Variants in NHERF1 observed in about 807,000 individuals in gnomAD.
NHERF1 encodes the protein Na(+)/H(+) exchange regulatory cofactor NHE-RF1.
At chr17:74,763,545 G>T in the NHERF1 span, 2 of 1,565,050 alleles carry the variant, frequency 1.3e-6, no homozygotes, top group South Asian at 2.3e-5. Flanking sequence ...GCCACTGGCC[G>T]TCCTGGGGCT....
the NHERF1 span, chr17:74,749,012 G>T: frequency 6.2e-7 from 1 of 1,609,116 alleles, no homozygotes; most frequent in South Asian, 1.1e-5. This position sits in a 1 kb window ranked among gnomAD's most constrained non-coding sequence, Gnocchi z 5.6. Flanking sequence ...GCTGCTGGCG[G>T]GGGACCGGCT....
At chr17:74,753,242 G>A in the NHERF1 span, among the ~76,000 whole-genome samples, 812 of 152,322 alleles carry the variant, frequency 5.3e-3, 11 homozygotes, top group African/African-American at 0.018. Context: ...TGGCATGACA[G>A]GTTTGTAAAT....
At chr17:74,765,502 C>T in the NHERF1 span, among the ~76,000 whole-genome samples, 1 of 151,432 alleles carries the variant, frequency 6.6e-6, no homozygotes, top group Non-Finnish European at 1.5e-5. Flanking sequence ...TTGTGATCCG[C>T]CCACCTCGGC....
the NHERF1 span, among the ~76,000 whole-genome samples, chr17:74,754,057 G>A: frequency 3.9e-5 from 6 of 151,954 alleles, no homozygotes; most frequent in Non-Finnish European, 7.4e-5. Flanking sequence ...CCAGCTACTC[G>A]GGAGTCTGAG....
chr17:74,766,201 T>G, the NHERF1 span, among the ~76,000 whole-genome samples: 10 of 151,948 alleles, frequency 6.6e-5, no homozygotes, highest in Non-Finnish European at 1.5e-4. Context: ...TGTTTTGTTT[T>G]GTTTTGTTTT....
the NHERF1 span, among the ~76,000 whole-genome samples, chr17:74,766,589 TCA>T: frequency 6.6e-6 from 1 of 152,016 alleles, no homozygotes; most frequent in Non-Finnish European, 1.5e-5. Context: ...GAAACTTTTA[TCA>T]CACAAAATCT....
At chr17:74,760,979 C>A in the NHERF1 span, among the ~76,000 whole-genome samples, 1 of 152,312 alleles carries the variant, frequency 6.6e-6, no homozygotes, top group East Asian at 1.9e-4. This position sits in a 1 kb window ranked among gnomAD's most constrained non-coding sequence, Gnocchi z 4.5. Flanking sequence ...CTGCACCAGG[C>A]CTGGAGGAGG....
At chr17:74,755,768 G>A in the NHERF1 span, among the ~76,000 whole-genome samples, 1 of 152,090 alleles carries the variant, frequency 6.6e-6, no homozygotes, top group Non-Finnish European at 1.5e-5. Context: ...CGAGGCTCCC[G>A]GGCACTCGAG....
chr17:74,768,185 G>A, the NHERF1 span: 1 of 1,613,636 alleles, frequency 6.2e-7, no homozygotes. Context: ...CAGCCTTGGA[G>A]AGCCCCAGGC....
At chr17:74,763,481 A>C in the NHERF1 span, 1 of 1,610,058 alleles carries the variant, frequency 6.2e-7, no homozygotes, top group Non-Finnish European at 8.5e-7. Context: ...CGAGTTCTTC[A>C]AGAAATGCAG....
At chr17:74,765,710 C>A in the NHERF1 span, among the ~76,000 whole-genome samples, 1 of 152,018 alleles carries the variant, frequency 6.6e-6, no homozygotes, top group Non-Finnish European at 1.5e-5. Flanking sequence ...TGCCACCATG[C>A]CCGGCTAATT....
the NHERF1 span, among the ~76,000 whole-genome samples, chr17:74,751,638 C>T: frequency 7.2e-5 from 11 of 152,218 alleles, no homozygotes; most frequent in Admixed American, 4.6e-4. The surrounding 1 kb of genome is among the most constrained non-coding windows in gnomAD (Gnocchi z 4.3). Flanking sequence ...CTCTGCCCAC[C>T]GGCTTTGCTT....
the NHERF1 span, among the ~76,000 whole-genome samples, chr17:74,756,444 A>G: frequency 1.3e-5 from 2 of 149,600 alleles, no homozygotes; most frequent in Non-Finnish European, 3.0e-5. Flanking sequence ...ACATATGTCT[A>G]ATTTTCATAT....
the NHERF1 span, chr17:74,748,756 C>T: frequency 1.6e-6 from 2 of 1,220,124 alleles, no homozygotes; most frequent in Non-Finnish European, 2.3e-6. This position sits in a 1 kb window ranked among gnomAD's most constrained non-coding sequence, Gnocchi z 4.3. Context: ...CTGCTGCGCT[C>T]CCGGTTCGCT....
chr17:74,769,028 G>A, the NHERF1 span: 1 of 250,316 alleles, frequency 4.0e-6, no homozygotes, highest in African/African-American at 2.3e-5. Context: ...GCTGATCAAA[G>A]AACTCTGACT....
At chr17:74,752,582 C>G in the NHERF1 span, among the ~76,000 whole-genome samples, 3 of 152,202 alleles carry the variant, frequency 2.0e-5, no homozygotes, top group Non-Finnish European at 1.5e-5. Flanking sequence ...CAGCCTCGAC[C>G]TCCAGGGCTC....
At chr17:74,749,071 G>A in the NHERF1 span, 2 of 1,593,378 alleles carry the variant, frequency 1.3e-6, no homozygotes. The surrounding 1 kb of genome is among the most constrained non-coding windows in gnomAD (Gnocchi z 5.6). Flanking sequence ...ACCAGCAGGT[G>A]GTGAGCCGCA....
chr17:74,765,706 C>A, the NHERF1 span, among the ~76,000 whole-genome samples: 1 of 152,008 alleles, frequency 6.6e-6, no homozygotes, highest in East Asian at 1.9e-4. Flanking sequence ...CGCCTGCCAC[C>A]ATGCCCGGCT....
the NHERF1 span, chr17:74,763,186 A>G: frequency 8.3e-5 from 48 of 580,744 alleles, 1 homozygote; most frequent in African/African-American, 8.4e-4. Context: ...CTGACTGTCA[A>G]TGGGAGGACC....
Sources: gnomAD v4.1 joint callset for allele counts (sites outside exome capture counted in the v4.1 genomes callset) on GRCh38, gnomAD v4.1.1 for gene constraint, Gnocchi (gnomAD v3.1) non-coding constraint, MANE v1.5 for transcripts, NCBI Gene and HGNC (gene_info 2026-07-23, HGNC 2026-07-21) for gene names.